LIPC: variants seen among roughly 807,000 people sequenced by gnomAD.
The protein encoded by LIPC is hepatic triacylglycerol lipase.
In LIPC, 44 loss-of-function variants were observed where a neutral mutation model predicts 50.7. That is an observed-to-expected ratio of 0.87 (90% CI 0.68 to 1.11). LIPC has a LOEUF of 1.11. Among genes scored for constraint, LIPC ranks in the 50% most tolerant of loss-of-function variants. The probability of loss-of-function intolerance (pLI) is 0.00; values close to 1 mark genes in which losing one functional copy is unlikely to be tolerated. For synonymous variants in LIPC, 271 were observed against 256.4 expected (o/e 1.06, Z -0.54); for missense variants, 697 against 648.2 (o/e 1.08, Z -0.82).
At chr15:58,542,116 C>A in intron 3 of LIPC, 149 bp downstream of exon 3, 2 of 963,174 alleles carry the variant, frequency 2.1e-6, no homozygotes, top group Admixed American at 2.0e-5. Flanking sequence ...AGGACTGACA[C>A]CAGACCCCAG....
chr15:58,560,353 G>T (rs1894116834), intron 6 of LIPC, among the ~76,000 whole-genome samples: 1 of 152,132 alleles, frequency 6.6e-6, no homozygotes, highest in Non-Finnish European at 1.5e-5. Context: ...TCCAGGAACT[G>T]CCCCGGAATA....
intron 1 of LIPC, among the ~76,000 whole-genome samples, chr15:58,497,060 C>A (rs967643246): frequency 1.1e-4 from 16 of 152,160 alleles, no homozygotes; most frequent in Non-Finnish European, 1.9e-4. Context: ...ACAAAAGTAA[C>A]TGGTTCCTTG....
chr15:58,564,683 C>A (rs780094588), intron 8 of LIPC, among the ~76,000 whole-genome samples: 2 of 151,976 alleles, frequency 1.3e-5, no homozygotes, highest in Non-Finnish European at 2.9e-5. Flanking sequence ...GCCGAGATCG[C>A]GGCATTGCAC....
chr15:58,546,127 G>A (rs1893521597), intron 5 of LIPC, 152 bp downstream of exon 5: 2 of 747,570 alleles, frequency 2.7e-6, no homozygotes, highest in Non-Finnish European at 4.6e-6. Context: ...CCAGAGAGAA[G>A]GAATGCTGGA....
chr15:58,481,320 TGA>T (rs1326226453), intron 1 of LIPC, among the ~76,000 whole-genome samples: 1 of 152,220 alleles, frequency 6.6e-6, no homozygotes, highest in African/African-American at 2.4e-5. Flanking sequence ...AAATGTCCTT[TGA>T]CACAGTAATT....
intron 1 of LIPC, among the ~76,000 whole-genome samples, chr15:58,506,910 A>G (rs1421207362): frequency 6.6e-6 from 1 of 152,242 alleles, no homozygotes; most frequent in Non-Finnish European, 1.5e-5. Context: ...GCCTCAGGAA[A>G]CTTACAATCA....
At chr15:58,490,422 C>G (rs1255802304) in intron 1 of LIPC, among the ~76,000 whole-genome samples, 1 of 152,166 alleles carries the variant, frequency 6.6e-6, no homozygotes, top group Non-Finnish European at 1.5e-5. Context: ...TCTTGAATGC[C>G]CCTTTGTAGC....
intron 1 of LIPC, among the ~76,000 whole-genome samples, chr15:58,463,811 T>G (rs1324002414): frequency 6.6e-6 from 1 of 152,202 alleles, no homozygotes; most frequent in Non-Finnish European, 1.5e-5. Context: ...ATAAAGGCAT[T>G]CATCTCTTTG....
chr15:58,489,380 AAGAC>A (rs1176935445), intron 1 of LIPC, among the ~76,000 whole-genome samples: 1 of 152,116 alleles, frequency 6.6e-6, no homozygotes, highest in African/African-American at 2.4e-5. Context: ...AGCTACGCAG[AAGAC>A]AGTTATTACT....
intron 1 of LIPC, among the ~76,000 whole-genome samples, chr15:58,485,048 CAGG>C (rs1259445880): frequency 6.6e-6 from 1 of 152,206 alleles, no homozygotes; most frequent in African/African-American, 2.4e-5. Flanking sequence ...ACCCTCACTA[CAGG>C]CCAAGGGTCA....
intron 6 of LIPC, among the ~76,000 whole-genome samples, chr15:58,558,863 T>A (rs181386838): frequency 1.1e-4 from 17 of 152,336 alleles, no homozygotes; most frequent in South Asian, 6.2e-4. Flanking sequence ...CTCTTAGTAT[T>A]TGGCTCTTGT....
At chr15:58,482,300 T>C (rs1410410754) in intron 1 of LIPC, among the ~76,000 whole-genome samples, 3 of 152,154 alleles carry the variant, frequency 2.0e-5, no homozygotes, top group Non-Finnish European at 2.9e-5. Flanking sequence ...TCTTTTAAAA[T>C]AATCACAATG....
chr15:58,471,428 G>C (rs1890803428), intron 1 of LIPC, among the ~76,000 whole-genome samples: 1 of 151,852 alleles, frequency 6.6e-6, no homozygotes, highest in Admixed American at 6.6e-5. Context: ...GGTTACAGGT[G>C]TGAGCCATCA....
intron 1 of LIPC, among the ~76,000 whole-genome samples, chr15:58,500,737 C>G (rs1236428549): frequency 7.5e-6 from 1 of 132,734 alleles, no homozygotes. Flanking sequence ...CTTCTCCCCC[C>G]ACCACCCCCC....
At chr15:58,562,744 G>A (rs1231745595) in intron 7 of LIPC, among the ~76,000 whole-genome samples, 2 of 152,268 alleles carry the variant, frequency 1.3e-5, no homozygotes, top group South Asian at 2.1e-4. Context: ...GCAGGGCGGG[G>A]GGATTCCTAA....
At chr15:58,563,362 A>C in intron 7 of LIPC, 143 bp from the exon 8 acceptor site, 1 of 720,930 alleles carries the variant, frequency 1.4e-6, no homozygotes, top group Non-Finnish European at 2.5e-6. Context: ...TAACTCTATC[A>C]ATAGTCTGTT....
intron 1 of LIPC, among the ~76,000 whole-genome samples, chr15:58,524,965 A>C (rs540574671): frequency 2.6e-4 from 40 of 152,074 alleles, no homozygotes; most frequent in Non-Finnish European, 5.9e-5. Context: ...ACAGCTTCTG[A>C]ATTTTGAATC....
intron 1 of LIPC, among the ~76,000 whole-genome samples, chr15:58,495,949 G>A (rs982259771): frequency 1.3e-5 from 2 of 152,160 alleles, no homozygotes; most frequent in South Asian, 2.1e-4. Flanking sequence ...TCCAAGACTC[G>A]TGGGATTTAG....
chr15:58,560,545 A>G (rs1166182938), intron 6 of LIPC, among the ~76,000 whole-genome samples: 1 of 152,250 alleles, frequency 6.6e-6, no homozygotes, highest in East Asian at 1.9e-4. Context: ...CACATGAAAT[A>G]TTACAGCAGA....
Sources: allele counts gnomAD v4.1 joint callset (sites outside exome capture counted in the v4.1 genomes callset), GRCh38; gene constraint gnomAD v4.1.1; transcripts MANE v1.5; gene names NCBI Gene and HGNC (gene_info 2026-07-23, HGNC 2026-07-21).